NDST3: variants seen among roughly 807,000 people sequenced by gnomAD.
The protein encoded by NDST3 is bifunctional heparan sulfate N-deacetylase/N-sulfotransferase 3.
In NDST3, 58 loss-of-function variants were observed where a neutral mutation model predicts 96.1. That is an observed-to-expected ratio of 0.60 (90% CI 0.49 to 0.75). The LOEUF (loss-of-function observed/expected upper bound fraction) is 0.75, where lower values mean the gene tolerates loss of function less well. NDST3 is among the 30% of genes least tolerant of loss of function. The pLI, the probability that NDST3 is intolerant of heterozygous loss-of-function variation, is 0.00. For missense variants in NDST3, 788 were observed against 1,034.2 expected (o/e 0.76, Z 3.27); for synonymous variants, 333 against 359.7 (o/e 0.93, Z 0.84).
Position 118,211,197 on chromosome 4 carries a change from CTT to C in NDST3, c.1540-13293_1540-13292del, listed in dbSNP as rs1295994626. Reference sequence around the variant, plus strand: ...AAAGATTTAAACTACTAAATCAAGACTTAAAGCTACATGGCAACTTTCTGTCA... The same window carrying C: ...AAAGATTTAAACTACTAAATCAAGACAAAGCTACATGGCAACTTTCTGTCA... On this transcript the variant is annotated intron_variant, in intron 6 of 13. Coordinates refer to ENST00000296499, the MANE Select transcript of NDST3 (RefSeq NM_004784.3). Among the ~76,000 whole-genome samples, 8 of 152,238 alleles carry C rather than the reference CTT, an allele frequency of 5.3e-5. No homozygotes were observed. In the East Asian group the frequency reaches 1.5e-3, roughly 29 times the overall value.
intron 1 of NDST3, among the ~76,000 whole-genome samples, chr4:118,050,729 A>G (rs1725029020): frequency 6.6e-6 from 1 of 152,162 alleles, no homozygotes; most frequent in Non-Finnish European, 1.5e-5. Flanking sequence ...CAAAGACAAT[A>G]CAAATAAATG....
chr4:118,158,961 A>G (rs1448019860), intron 6 of NDST3, among the ~76,000 whole-genome samples: 1 of 152,202 alleles, frequency 6.6e-6, no homozygotes, highest in African/African-American at 2.4e-5. Flanking sequence ...GCGCAAAACC[A>G]GCTGCATAGA....
At chr4:118,134,747 T>C (rs993138198) in intron 4 of NDST3, among the ~76,000 whole-genome samples, 6 of 152,160 alleles carry the variant, frequency 3.9e-5, no homozygotes, top group Admixed American at 2.0e-4. Flanking sequence ...TTAATTCCAC[T>C]TGTGATCCAA....
intron 3 of NDST3, among the ~76,000 whole-genome samples, chr4:118,106,425 A>G (rs563150557): frequency 6.6e-6 from 1 of 152,218 alleles, no homozygotes; most frequent in African/African-American, 2.4e-5. Context: ...AACTCACTGC[A>G]GCCTCAACCT....
At chr4:118,185,091 CAG>C (rs746532202) in intron 6 of NDST3, among the ~76,000 whole-genome samples, 4 of 152,028 alleles carry the variant, frequency 2.6e-5, no homozygotes, top group Non-Finnish European at 4.4e-5. Context: ...AGACATGTAA[CAG>C]GGAATAGCTG....
At chr4:118,231,122 G>A (rs1264061148) in intron 8 of NDST3, among the ~76,000 whole-genome samples, 1 of 151,902 alleles carries the variant, frequency 6.6e-6, no homozygotes, top group Non-Finnish European at 1.5e-5. Context: ...GATCACCTGA[G>A]GTCAGGAGTT....
rs1742166596 is a variant in NDST3 at position 118,257,109 on chromosome 4, C to A, written c.*1397C>A. 6.6e-6 allele frequency: 1 copy of A among 151,886 alleles called. No individual in the cohort carries two copies. 9.4% of individuals were successfully genotyped at this position (151,886 alleles called of 1,614,324 possible). A position where few individuals can be genotyped will look rare whatever the true frequency, so the allele number is the denominator to read the frequency against. On this transcript the variant is annotated 3_prime_UTR_variant, in exon 14 of 14. Coordinates refer to ENST00000296499, the MANE Select transcript of NDST3 (RefSeq NM_004784.3). ...GTTTCCAAAAAAGAAAAGAATACAT[C>A]ATACTTATTTTCCTGTTAATATTTA...
intron 12 of NDST3, among the ~76,000 whole-genome samples, chr4:118,250,799 T>C (rs1302508861): frequency 1.3e-5 from 2 of 152,194 alleles, no homozygotes; most frequent in Non-Finnish European, 2.9e-5. Context: ...CAATCTTTTA[T>C]GCAGTTTTTA....
chr4:118,235,973 T>A (rs1373412845), intron 9 of NDST3, among the ~76,000 whole-genome samples: 1 of 152,176 alleles, frequency 6.6e-6, no homozygotes, highest in African/African-American at 2.4e-5. Flanking sequence ...GAGGATATGA[T>A]CTCAGTCAAA....
chr4:118,240,415 A>G, intron 10 of NDST3, 109 bp from the exon 11 acceptor site: 1 of 860,966 alleles, frequency 1.2e-6, no homozygotes, highest in East Asian at 2.8e-5. Context: ...ATAACTCTCC[A>G]GCAGTGAGGC....
chr4:118,118,896 A>G (rs1014148369), intron 4 of NDST3, among the ~76,000 whole-genome samples: 2 of 152,212 alleles, frequency 1.3e-5, no homozygotes, highest in Admixed American at 1.3e-4. Context: ...AAACCTCAAA[A>G]AAGTCTTCAA....
At chr4:118,244,488 A>C (rs940418573) in intron 12 of NDST3, among the ~76,000 whole-genome samples, 1 of 151,984 alleles carries the variant, frequency 6.6e-6, no homozygotes, top group Non-Finnish European at 1.5e-5. Flanking sequence ...ATTGGTGCTT[A>C]AAATTTTTTT....
chr4:118,091,140 G>A (rs1023310318), intron 2 of NDST3, among the ~76,000 whole-genome samples: 1 of 151,580 alleles, frequency 6.6e-6, no homozygotes, highest in Non-Finnish European at 1.5e-5. Flanking sequence ...ATAGATACTT[G>A]AGGGTGAAGA....
At chr4:118,129,411 G>T (rs190529493) in intron 4 of NDST3, among the ~76,000 whole-genome samples, 1 of 151,894 alleles carries the variant, frequency 6.6e-6, no homozygotes, top group East Asian at 1.9e-4. Context: ...TTTCCAGAAA[G>T]TTTTTCAATT....
At position 118,100,354 on chromosome 4, in the gene NDST3, A is replaced by C. The variant is rs375465912; in HGVS notation, c.982-4664A>C. Among the ~76,000 whole-genome samples, 4 of 152,152 alleles carry C rather than the reference A, an allele frequency of 2.6e-5. No homozygotes were observed. In the East Asian group the frequency reaches 5.8e-4, roughly 22 times the overall value. On this transcript the variant is annotated intron_variant, in intron 2 of 13. Transcript: ENST00000296499. ...ACCACCACCAATTTCTCAGGCCTTC[A>C]GATGCAAACTGAATTATATCACCAG...
chr4:118,230,558 G>A (rs571934759), intron 8 of NDST3, among the ~76,000 whole-genome samples: 2 of 151,248 alleles, frequency 1.3e-5, no homozygotes, highest in East Asian at 3.9e-4. Flanking sequence ...CTGGGCAACA[G>A]AGCGAGACTC....
chr4:118,250,839 T>G (rs1045748717), intron 12 of NDST3, among the ~76,000 whole-genome samples: 3 of 152,138 alleles, frequency 2.0e-5, no homozygotes, highest in Admixed American at 2.0e-4. Flanking sequence ...TAGTGAGTTA[T>G]ATATTCCAAA....
At chr4:118,245,726 A>G (rs1254188560) in intron 12 of NDST3, among the ~76,000 whole-genome samples, 1 of 152,196 alleles carries the variant, frequency 6.6e-6, no homozygotes, top group Non-Finnish European at 1.5e-5. Flanking sequence ...CTAATTTCTT[A>G]TTATAAATTT....
intron 4 of NDST3, among the ~76,000 whole-genome samples, chr4:118,119,692 C>T (rs1048299752): frequency 2.0e-5 from 3 of 152,288 alleles, no homozygotes; most frequent in Admixed American, 2.0e-4. Context: ...ATTATCAGGG[C>T]TACTATTCAA....
Sources: gnomAD v4.1 joint callset for allele counts (sites outside exome capture counted in the v4.1 genomes callset) on GRCh38, gnomAD v4.1.1 for gene constraint, MANE v1.5 for transcripts, NCBI Gene and HGNC (gene_info 2026-07-23, HGNC 2026-07-21) for gene names.